Variants in ZNF337 observed in about 807,000 individuals in gnomAD.
ZNF337 encodes the protein zinc finger protein 337.
ZNF337 carries 8 observed loss-of-function variants against 12.1 expected under a neutral mutation model. That is an observed-to-expected ratio of 0.66 (90% confidence interval 0.39 to 1.19). ZNF337 has a LOEUF of 1.19. ZNF337 is among the 50% of genes most tolerant of loss of function. The probability of loss-of-function intolerance (pLI) is 0.01; values close to 1 mark genes in which losing one functional copy is unlikely to be tolerated. For missense variants in ZNF337, 882 were observed against 896.6 expected, an observed-to-expected ratio of 0.98 and a Z score of 0.21; for synonymous variants, 336 against 320.0, an observed-to-expected ratio of 1.05 and a Z score of -0.53.
At chr20:25,682,300 G>A (rs2122397986) in intron 4 of ZNF337, among the ~76,000 whole-genome samples, 1 of 152,048 alleles carries the variant, frequency 6.6e-6, no homozygotes, top group East Asian at 1.9e-4. Flanking sequence ...GGAGATGAGG[G>A]TGAAAGTACA....
chr20:25,688,943 A>G (rs1485207320), intron 1 of ZNF337, among the ~76,000 whole-genome samples: 1 of 152,078 alleles, frequency 6.6e-6, no homozygotes, highest in East Asian at 1.9e-4. Context: ...GTCCTGGCTA[A>G]CACCGTGAAA....
chr20:25,676,465 TG>T lies in ZNF337; in HGVS notation c.822del (p.Ser275ValfsTer37). 1 of 1,612,612 alleles carries T rather than the reference TG, an allele frequency of 6.2e-7. No homozygotes were observed. Among genetic ancestry groups the T allele is most frequent in the East Asian group, 2.2e-5 (1 of 44,722 alleles). ...TCATGCACAGTGAGGTATGACTTAC[TG>T]GTATAGCCTCGTCCACACACCTTGC... is the stretch of plus-strand genomic sequence containing the variant. ...FLCKVCGRGY[T>X]SKSYLTVHER... On this transcript the variant is annotated frameshift_variant, in exon 5 of 5. Coordinates refer to ENST00000252979, the MANE Select transcript of ZNF337 (RefSeq NM_015655.4). LOFTEE classifies it low-confidence loss of function (END_TRUNC).
At chr20:25,677,507 T>G (rs2065715908) in intron 4 of ZNF337, 1 of 153,008 alleles carries the variant, frequency 6.5e-6, no homozygotes, top group Admixed American at 6.5e-5. Flanking sequence ...AGAAAAAGAT[T>G]TGATATGATT....
intron 4 of ZNF337, among the ~76,000 whole-genome samples, chr20:25,684,291 C>T (rs1223658418): frequency 6.6e-6 from 1 of 151,334 alleles, no homozygotes; most frequent in Non-Finnish European, 1.5e-5. Flanking sequence ...CAGCATGGCA[C>T]ATGTATACAT....
chr20:25,693,072 C>T (rs2065894520), intron 1 of ZNF337, among the ~76,000 whole-genome samples: 1 of 152,162 alleles, frequency 6.6e-6, no homozygotes, highest in South Asian at 2.1e-4. Context: ...AGATATGTTA[C>T]ATAAAGTAAA....
intron 4 of ZNF337, chr20:25,677,618 C>G (rs576078728): frequency 6.6e-6 from 1 of 152,300 alleles, no homozygotes; most frequent in African/African-American, 2.4e-5. Context: ...ACTGCAGCCT[C>G]GACCTCCCAG....
chr20:25,684,202 GT>G (rs1463332070), intron 4 of ZNF337, among the ~76,000 whole-genome samples: 1 of 112,204 alleles, frequency 8.9e-6, no homozygotes, highest in African/African-American at 3.4e-5. Context: ...GGGGACTGTT[GT>G]GGGGTGGGGG....
chr20:25,675,233 A>G lies in ZNF337; in HGVS notation c.2055T>C (p.Phe685=), dbSNP rs925463115. Reference sequence around the variant, plus strand: ...AGCCTCGCTTACACTCCTGGCAAACAAAAGGCTTCTCCTTTGAGTGTATCC... The same window carrying G: ...AGCCTCGCTTACACTCCTGGCAAACGAAAGGCTTCTCCTTTGAGTGTATCC... ...HWRIHSKEKP[F]VCQECKRGYT... Residue 685 remains phenylalanine (F), a synonymous_variant, in exon 5 of 5, where the codon TTT becomes TTC. Transcript: ENST00000252979. 1.9e-5 allele frequency: 30 copies of G among 1,614,110 alleles called. No individual in the cohort carries two copies. Among genetic ancestry groups the G allele is most frequent in the Middle Eastern group, 1.6e-4 (1 of 6,084 alleles).
chr20:25,689,646 G>A (rs1277075103), intron 1 of ZNF337, among the ~76,000 whole-genome samples: 1 of 152,174 alleles, frequency 6.6e-6, no homozygotes, highest in South Asian at 2.1e-4. Context: ...TCCTCTCAGA[G>A]ATCAAGTATA....
At chr20:25,688,416 C>A (rs6138639) in intron 1 of ZNF337, among the ~76,000 whole-genome samples, 1 of 151,760 alleles carries the variant, frequency 6.6e-6, no homozygotes, top group Non-Finnish European at 1.5e-5. Context: ...CCTTTTATTC[C>A]TTTTTAATAC....
chr20:25,685,196 G>C (rs950050422), intron 4 of ZNF337, among the ~76,000 whole-genome samples: 1 of 150,706 alleles, frequency 6.6e-6, no homozygotes, highest in African/African-American at 2.4e-5. Flanking sequence ...TACTTACACA[G>C]AAAAATAATT....
At chr20:25,696,430 G>GTGCC (rs2065929984) in intron 1 of ZNF337, among the ~76,000 whole-genome samples, 1 of 152,094 alleles carries the variant, frequency 6.6e-6, no homozygotes, top group African/African-American at 2.4e-5. Flanking sequence ...GTCCCCACCC[G>GTGCC]AGGAGCGGCG....
At chr20:25,692,503 G>A (rs1453284827) in intron 1 of ZNF337, among the ~76,000 whole-genome samples, 1 of 152,096 alleles carries the variant, frequency 6.6e-6, no homozygotes. Flanking sequence ...GTGTTAAGGT[G>A]CAACAAGGGA....
rs370531027 is a variant in ZNF337, at chr20:25,685,585, G to A, written c.232C>T (p.Arg78Trp). Reference sequence around the variant, plus strand: ...CCCTCACCTGCACAGGGGCCTGGCCGGCGTCTTCTCTCTTCTCCCCAGGGC... The same window carrying A: ...CCCTCACCTGCACAGGGGCCTGGCCAGCGTCTTCTCTCTTCTCCCCAGGGC... ...EVPWGEERRRRPGPCAGIYAE... is the reference protein window; with the variant it reads ...EVPWGEERRRWPGPCAGIYAE... Residue 78 changes from arginine to tryptophan, a missense_variant, in exon 4 of 5, where the codon CGG becomes TGG. By Grantham distance (101) the Arg-to-Trp change is moderately radical. Coordinates refer to ENST00000252979, the MANE Select transcript of ZNF337 (RefSeq NM_015655.4). 33 of 1,613,998 alleles carry A rather than the reference G, an allele frequency of 2.0e-5. No homozygotes were observed. Among genetic ancestry groups the A allele is most frequent in the South Asian group, 3.3e-5 (3 of 91,086 alleles).
chr20:25,675,991 C>T lies in ZNF337; in HGVS notation c.1297G>A (p.Val433Ile), dbSNP rs76985980. 6.2e-7 allele frequency: 1 copy of T among 1,613,566 alleles called. No homozygotes were observed. The highest frequency in any genetic ancestry group is 8.5e-7 in the Non-Finnish European group (1 of 1,179,844). Residue 433 changes from valine to isoleucine, a missense_variant, in exon 5 of 5, where the codon GTT becomes ATT. By Grantham distance (29) the Val-to-Ile change is conservative. Coordinates refer to ENST00000252979, the MANE Select transcript of ZNF337 (RefSeq NM_015655.4). Reference protein sequence around the residue: ...QRTHSGEKPFVCRECGQGFIQ... With the variant: ...QRTHSGEKPFICRECGQGFIQ... ...AATCCTTGCCCACATTCTCTACAAA[C>T]AAAAGGTTTCTCCCCTGAGTGTGTT...
At chr20:25,685,120 TAAAAA>T (rs553976436) in intron 4 of ZNF337, among the ~76,000 whole-genome samples, 1 of 137,640 alleles carries the variant, frequency 7.3e-6, no homozygotes, top group African/African-American at 2.6e-5. Flanking sequence ...GAACTTAAAT[TAAAAA>T]AAAAAAAGAA....
In ZNF337 at chr20:25,676,004, C is replaced by T. The variant is rs1312347511; in HGVS notation, c.1284G>A (p.Gly428=). The change falls in exon 5 of 5, where the codon GGG becomes GGA. Residue 428 remains glycine (G), a synonymous_variant. Transcript: ENST00000252979. Reference sequence around the variant, plus strand: ...ATTCTCTACAAACAAAAGGTTTCTCCCCTGAGTGTGTTCTCTGGTGGTAGA... The same window carrying T: ...ATTCTCTACAAACAAAAGGTTTCTCTCCTGAGTGTGTTCTCTGGTGGTAGA... The part of the protein sequence containing the change: ...TLVYHQRTHS[G]EKPFVCRECG... The T allele has an allele frequency of 1.2e-5, 19 of 1,613,490 alleles. No individual in the cohort carries two copies. The East Asian group carries it at 1.6e-4, about 13-fold the overall frequency.
intron 4 of ZNF337, among the ~76,000 whole-genome samples, chr20:25,683,887 TAA>T (rs1487300500): frequency 6.6e-6 from 1 of 152,060 alleles, no homozygotes; most frequent in African/African-American, 2.4e-5. Flanking sequence ...CATGCTGCTA[TAA>T]AGACACATGC....
At chr20:25,687,304 T>C (rs994748910) in intron 1 of ZNF337, among the ~76,000 whole-genome samples, 4 of 152,282 alleles carry the variant, frequency 2.6e-5, no homozygotes, top group Admixed American at 6.5e-5. Context: ...ACTGGGTTCA[T>C]TATATTATTT....
Sources: gnomAD v4.1 joint callset for allele counts (sites outside exome capture counted in the v4.1 genomes callset) on GRCh38, gnomAD v4.1.1 for gene constraint, MANE v1.5 for transcripts, NCBI Gene and HGNC (gene_info 2026-07-23, HGNC 2026-07-21) for gene names.